Variants in TFDP2 observed in about 807,000 individuals in gnomAD.
TFDP2 encodes transcription factor Dp-2, also known as transcription factor Dp-2 (E2F dimerization partner 2).
In TFDP2, 17 loss-of-function variants were observed where a neutral mutation model predicts 59.3. The ratio of observed to expected loss-of-function variants is 0.29; its 90% CI spans 0.20 to 0.43. TFDP2 has a LOEUF of 0.43. Among genes scored for constraint, TFDP2 ranks in the 20% least tolerant of loss-of-function variants. TFDP2 has a pLI of 1.00. For synonymous variants in TFDP2, 180 were observed against 194.7 expected (o/e 0.92, Z 0.63); for missense variants, 391 against 528.8 (o/e 0.74, Z 2.56).
chr3:142,077,758 G>A (rs2060509882), intron 3 of TFDP2, among the ~76,000 whole-genome samples: 1 of 152,108 alleles, frequency 6.6e-6, no homozygotes, highest in African/African-American at 2.4e-5. Context: ...ATTCCAAGCT[G>A]GGTCATATGA....
At chr3:142,094,671 T>C (rs568153294) in intron 2 of TFDP2, among the ~76,000 whole-genome samples, 33 of 152,306 alleles carry the variant, frequency 2.2e-4, no homozygotes, top group Admixed American at 6.5e-5. Context: ...TGAGATATCA[T>C]TGATATATAA....
intron 1 of TFDP2, among the ~76,000 whole-genome samples, chr3:142,141,276 C>T (rs141122436): frequency 0.015 from 2,239 of 152,298 alleles, 25 homozygotes; most frequent in South Asian, 0.042. Flanking sequence ...CAGTCTGTCA[C>T]GGCTTCCCTT....
rs1159514020 is a variant in TFDP2 at position 141,946,951 on chromosome 3, C to G, written c.*5562G>C. 6.6e-6 allele frequency: 1 copy of G among 152,260 alleles called. No homozygotes were observed. The highest frequency in any genetic ancestry group is 1.5e-5 in the Non-Finnish European group (1 of 68,146). 9.4% of individuals were successfully genotyped at this position (152,260 alleles called of 1,614,324 possible). ...GCTGAGGCAGAAGAATCGCTTGAACCCGGGAGGCAGAGGTTGCAGTGGCTG... is the reference window on the plus strand; with the variant it reads ...GCTGAGGCAGAAGAATCGCTTGAACGCGGGAGGCAGAGGTTGCAGTGGCTG... On this transcript the variant is annotated 3_prime_UTR_variant, in exon 13 of 13. Transcript: ENST00000489671.
At chr3:142,062,344 T>G (rs1014459166) in intron 3 of TFDP2, among the ~76,000 whole-genome samples, 2 of 150,766 alleles carry the variant, frequency 1.3e-5, no homozygotes, top group Non-Finnish European at 2.9e-5. Context: ...CCCCAACCAC[T>G]GCGTTGTTCA....
intron 6 of TFDP2, among the ~76,000 whole-genome samples, chr3:141,988,669 CTTTTTT>C (rs540352017): frequency 1.6e-5 from 2 of 125,706 alleles, no homozygotes; most frequent in Non-Finnish European, 1.6e-5. Context: ...CTTTTCTTTT[CTTTTTT>C]TTTTTTTTTT....
At position 141,946,473 on chromosome 3, in the gene TFDP2, C is replaced by T. The variant is rs565339548; in HGVS notation, c.*6040G>A. ...GCACAGAATACACATTATAAATGAG[C>T]ACTTTCTCCTATCTCAGCACCCTGG... On this transcript the variant is annotated 3_prime_UTR_variant, in exon 13 of 13. Coordinates refer to ENST00000489671, the MANE Select transcript of TFDP2 (RefSeq NM_001178139.2). The T allele has an allele frequency of 5.9e-5, 9 of 152,348 alleles. No homozygotes were observed. The South Asian group carries it at 1.0e-3, about 18-fold the overall frequency. 9.4% of individuals were successfully genotyped at this position (152,348 alleles called of 1,614,324 possible).
intron 3 of TFDP2, among the ~76,000 whole-genome samples, chr3:142,034,013 C>G (rs1432493869): frequency 6.6e-6 from 1 of 151,918 alleles, no homozygotes; most frequent in Non-Finnish European, 1.5e-5. Context: ...CTAAAAACAT[C>G]ATACTTCCCA....
chr3:142,096,399 A>C (rs1172562197), intron 2 of TFDP2, among the ~76,000 whole-genome samples: 3 of 152,202 alleles, frequency 2.0e-5, no homozygotes, highest in African/African-American at 2.4e-5. Flanking sequence ...CCTATTTAAA[A>C]AGGACTTATC....
chr3:142,078,410 C>A (rs546633930), intron 3 of TFDP2, among the ~76,000 whole-genome samples: 1 of 152,310 alleles, frequency 6.6e-6, no homozygotes, highest in African/African-American at 2.4e-5. Context: ...TGTAACCCCT[C>A]CCCTATCTCC....
chr3:142,052,470 A>G (rs891056019), intron 3 of TFDP2, among the ~76,000 whole-genome samples: 10 of 152,072 alleles, frequency 6.6e-5, no homozygotes, highest in East Asian at 1.9e-4. Context: ...GCGTGAACCC[A>G]GGAGACGGAG....
intron 6 of TFDP2, 76 bp from the exon 7 acceptor site, chr3:141,978,758 C>G (rs1363980814): frequency 2.8e-6 from 3 of 1,083,290 alleles, no homozygotes; most frequent in Non-Finnish European, 3.7e-6. Flanking sequence ...TAAGATAATG[C>G]AAGAAGACAG....
At chr3:141,966,658 T>C (rs1015098281) in intron 9 of TFDP2, among the ~76,000 whole-genome samples, 1 of 151,606 alleles carries the variant, frequency 6.6e-6, no homozygotes, top group Non-Finnish European at 1.5e-5. Flanking sequence ...CAGCTTTAAG[T>C]GTGTTCATTC....
At chr3:142,108,196 T>C (rs1389651249) in intron 1 of TFDP2, among the ~76,000 whole-genome samples, 8 of 151,868 alleles carry the variant, frequency 5.3e-5, no homozygotes, top group African/African-American at 1.9e-4. Flanking sequence ...TCTGTGTGTA[T>C]TTCCCAAATT....
chr3:141,956,710 G>C (rs980608947), intron 11 of TFDP2, among the ~76,000 whole-genome samples: 11 of 151,348 alleles, frequency 7.3e-5, no homozygotes, highest in Middle Eastern at 3.4e-3. Context: ...TCAGAACTTT[G>C]AGACTAGCCT....
At chr3:142,112,562 A>C (rs2061697902) in intron 1 of TFDP2, among the ~76,000 whole-genome samples, 2 of 152,266 alleles carry the variant, frequency 1.3e-5, no homozygotes, top group African/African-American at 4.8e-5. Context: ...ACACTGTTAC[A>C]GGTGAACACA....
intron 3 of TFDP2, among the ~76,000 whole-genome samples, chr3:142,072,676 C>T (rs768523108): frequency 6.6e-6 from 1 of 152,024 alleles, no homozygotes; most frequent in African/African-American, 2.4e-5. Context: ...CCAAGGGACA[C>T]GGAAACCAAC....
intron 3 of TFDP2, among the ~76,000 whole-genome samples, chr3:142,045,559 GA>G (rs940417048): frequency 1.2e-4 from 18 of 149,324 alleles, no homozygotes; most frequent in African/African-American, 3.4e-4. Flanking sequence ...TGTTTTCTAA[GA>G]AAAAAGTTAA....
At chr3:142,032,700 CAAGAACAGA>C (rs1946492907) in intron 3 of TFDP2, among the ~76,000 whole-genome samples, 1 of 152,186 alleles carries the variant, frequency 6.6e-6, no homozygotes, top group South Asian at 2.1e-4. Context: ...GCATTAATAT[CAAGAACAGA>C]AAGTGATTTT....
chr3:142,091,572 AAAAAT>A (rs1368615551), intron 3 of TFDP2, among the ~76,000 whole-genome samples: 2 of 152,038 alleles, frequency 1.3e-5, no homozygotes, highest in East Asian at 1.9e-4. Flanking sequence ...CCACCAAAAA[AAAAAT>A]AAATAAAATA....
Sources: allele counts gnomAD v4.1 joint callset (sites outside exome capture counted in the v4.1 genomes callset), GRCh38; gene constraint gnomAD v4.1.1; transcripts MANE v1.5; gene names NCBI Gene and HGNC (gene_info 2026-07-23, HGNC 2026-07-21).